ZNF536: variants seen among roughly 807,000 people sequenced by gnomAD.
ZNF536 encodes zinc finger protein 536.
In ZNF536, 13 loss-of-function variants were observed where a neutral mutation model predicts 84.5. The ratio of observed to expected loss-of-function variants is 0.15; its 90% confidence interval spans 0.10 to 0.24. ZNF536 has a LOEUF of 0.24. Ranked by LOEUF, ZNF536 falls within the 10% of genes least tolerant of loss-of-function variation. ZNF536 has a pLI of 1.00. For synonymous variants in ZNF536, 811 were observed against 742.5 expected (o/e 1.09, Z -1.50); for missense variants, 1,536 against 1,747.5 (o/e 0.88, Z 2.16).
At chr19:30,670,787 G>C (rs1296969509) in intron 1 of ZNF536, among the ~76,000 whole-genome samples, 4 of 152,172 alleles carry the variant, frequency 2.6e-5, no homozygotes, top group African/African-American at 7.2e-5. Flanking sequence ...AGCCATTCCC[G>C]GGTCCATCCC....
intron 3 of ZNF536, among the ~76,000 whole-genome samples, chr19:30,540,474 T>C (rs920287708): frequency 1.6e-4 from 25 of 152,270 alleles, no homozygotes; most frequent in African/African-American, 6.0e-4. Context: ...CCACGTTCTA[T>C]CCACGCCCAT....
At chr19:30,545,233 T>C (rs892872148) in intron 3 of ZNF536, among the ~76,000 whole-genome samples, 1 of 152,044 alleles carries the variant, frequency 6.6e-6, no homozygotes, top group African/African-American at 2.4e-5. Context: ...TGCACCAGAA[T>C]CATAGGGACG....
intron 2 of ZNF536, among the ~76,000 whole-genome samples, chr19:30,525,782 G>A (rs777059575): frequency 2.0e-5 from 3 of 152,202 alleles, no homozygotes; most frequent in Admixed American, 6.5e-5. Flanking sequence ...GAGAAGGGAC[G>A]TAGCCTCAGA....
At chr19:30,293,700 G>A (rs146499915) in intron 2 of ZNF536, among the ~76,000 whole-genome samples, 6 of 152,122 alleles carry the variant, frequency 3.9e-5, no homozygotes, top group Non-Finnish European at 7.3e-5. Context: ...TACGATAATC[G>A]GAGTTGCAGG....
intron 1 of ZNF536, among the ~76,000 whole-genome samples, chr19:30,685,601 T>TA (rs916648731): frequency 6.6e-6 from 1 of 152,092 alleles, no homozygotes; most frequent in African/African-American, 2.4e-5. Context: ...GTCACGATTT[T>TA]AAAAAAATAA....
In ZNF536 at chr19:30,445,500, G is replaced by A. The variant is rs752890384; in HGVS notation, c.1938G>A (p.Val646=). ...CGRVFRTYHQ[V]VVHSRVHKRD... Reference sequence around the variant, plus strand: ...GGGTGTTCCGCACTTACCACCAGGTGGTCGTGCACTCCCGTGTCCACAAGC... The same window carrying A: ...GGGTGTTCCGCACTTACCACCAGGTAGTCGTGCACTCCCGTGTCCACAAGC... The change falls in exon 2 of 5, where the codon GTG becomes GTA. Residue 646 remains valine (V), a synonymous_variant. Transcript: ENST00000355537. This position sits in a 1 kb window ranked among gnomAD's most constrained non-coding sequence, Gnocchi z 4.5. 1 of 1,613,962 alleles carries A rather than the reference G, an allele frequency of 6.2e-7. No individual in the cohort carries two copies. Among genetic ancestry groups the A allele is most frequent in the South Asian group, 1.1e-5 (1 of 91,082 alleles).
intron 1 of ZNF536, among the ~76,000 whole-genome samples, chr19:30,375,447 C>T (rs1027876931): frequency 6.6e-6 from 1 of 152,058 alleles, no homozygotes; most frequent in African/African-American, 2.4e-5. Context: ...CACGCGGCAC[C>T]GACCCGGGCG....
At chr19:30,473,709 C>A (rs1599496386) in intron 2 of ZNF536, among the ~76,000 whole-genome samples, 1 of 152,210 alleles carries the variant, frequency 6.6e-6, no homozygotes, top group East Asian at 1.9e-4. Flanking sequence ...TCCTTTGAGT[C>A]ACAGCTCAAG....
chr19:30,585,448 A>G (rs916824219), intron 1 of ZNF536, among the ~76,000 whole-genome samples: 2 of 152,228 alleles, frequency 1.3e-5, no homozygotes, highest in Non-Finnish European at 2.9e-5. Context: ...CAACTCTTCA[A>G]GCTTGACAAG....
intron 1 of ZNF536, among the ~76,000 whole-genome samples, chr19:30,607,332 G>T (rs997109809): frequency 6.6e-6 from 1 of 151,568 alleles, no homozygotes; most frequent in South Asian, 2.1e-4. Flanking sequence ...TTTGTGATGG[G>T]GATATTTTTA....
chr19:30,497,726 A>ATG (rs60018422), intron 2 of ZNF536, among the ~76,000 whole-genome samples: 8,152 of 152,136 alleles, frequency 0.054, 429 homozygotes, highest in African/African-American at 0.13. Context: ...GATCACCTTC[A>ATG]TGTGTGTGTG....
intron 3 of ZNF536, among the ~76,000 whole-genome samples, chr19:30,358,580 G>T (rs1409394137): frequency 6.6e-6 from 1 of 152,208 alleles, no homozygotes; most frequent in African/African-American, 2.4e-5. Flanking sequence ...ATTAGAACTT[G>T]TTGCATTGTG....
rs1443498222 is a variant in ZNF536, at chr19:30,362,870, C to A, written c.-3+10386C>A. ...AGCTGGGAGTTTGAGACCAGCCTGGCCAATAAGGTAAAACCCCGTCTCTAC... is the reference window on the plus strand; with the variant it reads ...AGCTGGGAGTTTGAGACCAGCCTGGACAATAAGGTAAAACCCCGTCTCTAC... On this transcript the variant is annotated intron_variant, in intron 3 of 5. Transcript: ENST00000585628. Among the ~76,000 whole-genome samples the A allele has an allele frequency of 3.9e-5, 6 of 152,090 alleles. No individual in the cohort carries two copies. In the East Asian group the frequency reaches 1.2e-3, roughly 29 times the overall value.
intron 2 of ZNF536, among the ~76,000 whole-genome samples, chr19:30,286,773 A>G (rs1399029805): frequency 2.0e-5 from 3 of 152,220 alleles, no homozygotes; most frequent in Non-Finnish European, 4.4e-5. Flanking sequence ...ATACATGTAT[A>G]TATTTAAATC....
At chr19:30,473,895 C>A (rs1037927298) in intron 2 of ZNF536, among the ~76,000 whole-genome samples, 10 of 152,220 alleles carry the variant, frequency 6.6e-5, no homozygotes, top group Admixed American at 1.3e-4. Context: ...CCACCAGGCA[C>A]CAGCTTGTGT....
chr19:30,609,890 C>T (rs1263113156), intron 1 of ZNF536, among the ~76,000 whole-genome samples: 1 of 143,184 alleles, frequency 7.0e-6, no homozygotes, highest in Non-Finnish European at 1.5e-5. Context: ...ATCCATCCAC[C>T]CATTTATCCA....
intron 2 of ZNF536, among the ~76,000 whole-genome samples, chr19:30,504,327 T>A (rs184541775): frequency 2.0e-3 from 254 of 129,118 alleles, no homozygotes; most frequent in African/African-American, 7.0e-3. Flanking sequence ...CCAGCCTCCT[T>A]CCCTATTTTC....
intron 1 of ZNF536, among the ~76,000 whole-genome samples, chr19:30,593,504 A>G (rs1319044937): frequency 6.6e-6 from 1 of 152,134 alleles, no homozygotes; most frequent in Non-Finnish European, 1.5e-5. Flanking sequence ...AATGACTTCT[A>G]CTTTCTGAAA....
chr19:30,309,881 C>CT (rs2046446363), intron 2 of ZNF536, among the ~76,000 whole-genome samples: 1 of 151,978 alleles, frequency 6.6e-6, no homozygotes, highest in Admixed American at 6.6e-5. Flanking sequence ...CCTTCCTTGG[C>CT]TTTTTCTGGG....
Sources: gnomAD v4.1 joint callset for allele counts (sites outside exome capture counted in the v4.1 genomes callset) on GRCh38, gnomAD v4.1.1 for gene constraint, Gnocchi (gnomAD v3.1) non-coding constraint, MANE v1.5 for transcripts, NCBI Gene and HGNC (gene_info 2026-07-23, HGNC 2026-07-21) for gene names.